Variants in HELLS observed in about 807,000 individuals in gnomAD.
The protein encoded by HELLS is helicase, lymphoid specific.
In HELLS, 32 loss-of-function variants were observed where a neutral mutation model predicts 120.0. That is an observed-to-expected ratio of 0.27 (90% CI 0.20 to 0.36). The LOEUF (loss-of-function observed/expected upper bound fraction) is 0.36. Ranked by LOEUF, HELLS falls within the 10% of genes least tolerant of loss-of-function variation. The pLI, the probability that HELLS is intolerant of heterozygous loss-of-function variation, is 1.00. For synonymous variants in HELLS, 341 were observed against 323.4 expected, an observed-to-expected ratio of 1.05 and a Z score of -0.58; for missense variants, 650 against 993.4, an observed-to-expected ratio of 0.65 and a Z score of 4.65.
chr10:94,611,381 A>G (rs1238023772), exon 10 of HELLS: 1 of 152,194 alleles, frequency 6.6e-6, no homozygotes, highest in Non-Finnish European at 1.5e-5. Context: ...CTTAATGTTC[A>G]ATAACTCAAA....
intron 3 of HELLS, among the ~76,000 whole-genome samples, chr10:94,555,932 T>C (rs1222557621): frequency 6.6e-6 from 1 of 152,196 alleles, no homozygotes; most frequent in African/African-American, 2.4e-5. Flanking sequence ...TGGACTGTCA[T>C]ATTCTTTATA....
At chr10:94,567,305 A>G (rs1843855518) in intron 6 of HELLS, among the ~76,000 whole-genome samples, 1 of 151,638 alleles carries the variant, frequency 6.6e-6, no homozygotes, top group African/African-American at 2.4e-5. Flanking sequence ...TTTATTTCCA[A>G]GGTTTTTTTT....
chr10:94,592,341 G>A, intron 16 of HELLS, 29 bp downstream of exon 16: 1 of 1,581,376 alleles, frequency 6.3e-7, no homozygotes, highest in South Asian at 1.2e-5. Flanking sequence ...ATTTTGGATT[G>A]TTCAATTATT....
At chr10:94,605,443 T>A (rs530658848), downstream of HELLS, among the ~76,000 whole-genome samples, 53 of 152,238 alleles carry the variant, frequency 3.5e-4, no homozygotes, top group South Asian at 4.8e-3. Flanking sequence ...TGTTGTCTTG[T>A]GTTTTCCCAA....
At chr10:94,546,037 G>A (rs987128218) in intron 1 of HELLS, 85 bp downstream of exon 1, 6 of 1,466,496 alleles carry the variant, frequency 4.1e-6, no homozygotes, top group Middle Eastern at 1.9e-4. Context: ...GAGTTTCGGG[G>A]AGGGAGCCGA....
At chr10:94,588,710 A>AT (rs1047961659) in intron 13 of HELLS, among the ~76,000 whole-genome samples, 22 of 152,104 alleles carry the variant, frequency 1.4e-4, no homozygotes, top group Admixed American at 5.2e-4. Context: ...CCCCTTGTTC[A>AT]TTTTTAGGAC....
intron 3 of HELLS, among the ~76,000 whole-genome samples, chr10:94,556,647 A>G (rs1329773119): frequency 6.6e-6 from 1 of 152,030 alleles, no homozygotes; most frequent in East Asian, 1.9e-4. Flanking sequence ...TAGCCAATTG[A>G]TCTGTTTTCT....
Position 94,582,918 on chromosome 10 carries a change from A to T in HELLS, c.1230-45A>T, listed in dbSNP as rs1314352575. On this transcript the variant is annotated intron_variant, in intron 11 of 21. Coordinates refer to ENST00000348459, the MANE Select transcript of HELLS (RefSeq NM_018063.5). ...GATAAATCATGTATCATGTTGACAT[A>T]ATTGAATTTATGTGATGGTTAACTT... The T allele has an allele frequency of 3.0e-6, 3 of 999,566 alleles. No individual in the cohort carries two copies. The Admixed American group carries it at 6.0e-5, about 20-fold the overall frequency. The allele number at this position is 999,566 out of a possible 1,614,324, so 61.9% of individuals were successfully genotyped here.
intron 6 of HELLS, among the ~76,000 whole-genome samples, chr10:94,563,571 C>T (rs532876161): frequency 2.6e-4 from 40 of 152,116 alleles, no homozygotes; most frequent in Middle Eastern, 6.8e-3. Flanking sequence ...ACTGCAGCCT[C>T]GACCTCATGG....
chr10:94,559,178 T>C (rs1211794783), intron 4 of HELLS, among the ~76,000 whole-genome samples: 1 of 152,208 alleles, frequency 6.6e-6, no homozygotes, highest in East Asian at 1.9e-4. Flanking sequence ...GTTGCTGTTC[T>C]TTGTTTTCTG....
At chr10:94,578,993 C>T (rs1019559724) in intron 10 of HELLS, among the ~76,000 whole-genome samples, 1 of 152,064 alleles carries the variant, frequency 6.6e-6, no homozygotes, top group African/African-American at 2.4e-5. Context: ...GACGAGGCTT[C>T]CCTCGCTCAC....
intron 12 of HELLS, chr10:94,583,907 C>G: frequency 2.4e-6 from 1 of 416,934 alleles, no homozygotes; most frequent in Non-Finnish European, 4.2e-6. Flanking sequence ...TTCCTCTTTT[C>G]AAAATTTTCA....
At chr10:94,565,736 G>A (rs1843760106) in intron 6 of HELLS, among the ~76,000 whole-genome samples, 1 of 152,162 alleles carries the variant, frequency 6.6e-6, no homozygotes, top group Non-Finnish European at 1.5e-5. Context: ...AGTTTAGCCA[G>A]TCATACAGCT....
intron 21 of HELLS, among the ~76,000 whole-genome samples, chr10:94,599,373 A>G (rs1459197867): frequency 2.6e-5 from 4 of 152,110 alleles, no homozygotes; most frequent in African/African-American, 7.2e-5. Context: ...TTTTTATTTG[A>G]GACAAAGTCT....
chr10:94,577,712 G>A (rs1844569525), intron 10 of HELLS: 1 of 152,264 alleles, frequency 6.6e-6, no homozygotes, highest in African/African-American at 2.4e-5. Context: ...GATCCCTTGA[G>A]GCCAGGAGTT....
chr10:94,573,944 CTT>C lies in HELLS; in HGVS notation c.478-10_478-9del, dbSNP rs766749349. 4 of 1,509,834 alleles carry C rather than the reference CTT, an allele frequency of 2.6e-6. No homozygotes were observed. In the South Asian group the frequency reaches 4.7e-5, roughly 18 times the overall value. 93.5% of individuals were successfully genotyped at this position (1,509,834 alleles called of 1,614,324 possible). A position where few individuals can be genotyped will look rare whatever the true frequency, so the allele number is the denominator to read the frequency against. On this transcript the variant is annotated splice_polypyrimidine_tract_variant and intron_variant, in intron 7 of 21. Coordinates refer to ENST00000348459, the MANE Select transcript of HELLS (RefSeq NM_018063.5). ...ATTTTGTATAACACATCTTATTAAA[CTT>C]TTTTTCTCTACAGGATGAAAACTCC...
rs192754969 is a variant in HELLS, at chr10:94,546,589, T to G, written c.153+91T>G. 17 of 1,392,382 alleles carry G rather than the reference T, an allele frequency of 1.2e-5. No individual in the cohort carries two copies. In the Admixed American group the frequency reaches 1.3e-4, roughly 11 times the overall value. 86.3% of individuals were successfully genotyped at this position (1,392,382 alleles called of 1,614,324 possible). A position where few individuals can be genotyped will look rare whatever the true frequency, so the allele number is the denominator to read the frequency against. On this transcript the variant is annotated intron_variant, in intron 2 of 21. Transcript: ENST00000348459. ...TGGTTTGTGTTCTTTGCTTTCCTATTTAGTGGGCTTTTTAATAACTGAAAG... is the reference window on the plus strand; with the variant it reads ...TGGTTTGTGTTCTTTGCTTTCCTATGTAGTGGGCTTTTTAATAACTGAAAG...
Position 94,546,438 on chromosome 10 carries a change from A to G in HELLS, c.93A>G (p.Leu31=), listed in dbSNP as rs1452161793. 12 of 1,614,134 alleles carry G rather than the reference A, an allele frequency of 7.4e-6. No homozygotes were observed. The highest frequency in any genetic ancestry group is 1.1e-5 in the South Asian group (1 of 91,074). ...LDTAVITPAM[L]EEEEQLEAAG... ...CTGCTGTGATTACCCCGGCCATGCTAGAAGAGGAAGAACAGCTTGAAGCTG... is the reference window on the plus strand; with the variant it reads ...CTGCTGTGATTACCCCGGCCATGCTGGAAGAGGAAGAACAGCTTGAAGCTG... Residue 31 remains leucine (L), a synonymous_variant, in exon 2 of 22, where the codon CTA becomes CTG. Transcript: ENST00000348459.
At position 94,562,851 on chromosome 10, in the gene HELLS, A is replaced by G. The variant is rs202140546; in HGVS notation, c.410A>G (p.Asn137Ser). 6.8e-5 allele frequency: 108 copies of G among 1,580,598 alleles called. No homozygotes were observed. Among genetic ancestry groups the G allele is most frequent in the East Asian group, 1.8e-4 (8 of 44,556 alleles). ...KKRGREDESY[N>S]ISEVMSKEEI... The stretch of plus-strand genomic sequence containing the variant: ...AGAGGAAGAGAAGATGAATCATACA[A>G]TATTTCAGAGGTCATGTCAAAAGAG... The change falls in exon 6 of 22, where the codon AAT becomes AGT. Residue 137 changes from asparagine (N) to serine (S), a missense_variant. Around this residue, in one of 9 missense-constraint regions of HELLS, gnomAD observed 113 missense variants for 120.7 expected, o/e 0.94. Coordinates refer to ENST00000348459, the MANE Select transcript of HELLS (RefSeq NM_018063.5).
Sources: gnomAD v4.1 joint callset for allele counts (sites outside exome capture counted in the v4.1 genomes callset) on GRCh38, gnomAD v4.1.1 for gene constraint, gnomAD v4.1.1 regional missense constraint, MANE v1.5 for transcripts, NCBI Gene and HGNC (gene_info 2026-07-23, HGNC 2026-07-21) for gene names.